The following ZBTB20 variants were observed in gnomAD, a reference collection of about 807,000 sequenced individuals.
The protein encoded by ZBTB20 is zinc finger and BTB domain containing 20, also known as zinc finger and BTB domain-containing protein 20.
In ZBTB20, 9 loss-of-function variants were observed where a neutral mutation model predicts 56.9. The ratio of observed to expected loss-of-function variants is 0.16; its 90% CI spans 0.10 to 0.28. ZBTB20 has a LOEUF of 0.28. Ranked by LOEUF, ZBTB20 falls within the 10% of genes least tolerant of loss-of-function variation. ZBTB20 has a pLI of 1.00. For missense variants in ZBTB20, 655 were observed against 1,003.0 expected (o/e 0.65, Z 4.69); for synonymous variants, 417 against 420.7 (o/e 0.99, Z 0.11).
chr3:114,636,532 A>T (rs995595409), intron 6 of ZBTB20, among the ~76,000 whole-genome samples: 1 of 152,094 alleles, frequency 6.6e-6, no homozygotes, highest in Non-Finnish European at 1.5e-5. Flanking sequence ...CAATAACATG[A>T]AGTGTGTATA....
At chr3:114,928,399 A>G (rs1270392654) in intron 3 of ZBTB20, among the ~76,000 whole-genome samples, 3 of 150,560 alleles carry the variant, frequency 2.0e-5, no homozygotes, top group African/African-American at 7.3e-5. Flanking sequence ...TTCTTCAATG[A>G]TGGAGAACCT....
intron 1 of ZBTB20, among the ~76,000 whole-genome samples, chr3:115,086,388 G>C (rs1422608588): frequency 6.6e-6 from 1 of 151,720 alleles, no homozygotes; most frequent in Non-Finnish European, 1.5e-5. Context: ...TTTATTTTGT[G>C]TCAATTGGTG....
At chr3:114,629,717 T>C (rs1031192684) in intron 6 of ZBTB20, among the ~76,000 whole-genome samples, 1 of 152,140 alleles carries the variant, frequency 6.6e-6, no homozygotes. Flanking sequence ...TATTTTAATA[T>C]TCTTTGGGTA....
At chr3:114,656,583 C>G (rs1330266162) in intron 6 of ZBTB20, among the ~76,000 whole-genome samples, 1 of 152,092 alleles carries the variant, frequency 6.6e-6, no homozygotes, top group Non-Finnish European at 1.5e-5. Context: ...GACCTGTATT[C>G]AAGTTTACTG....
chr3:114,827,074 A>G (rs1286006565), intron 4 of ZBTB20, among the ~76,000 whole-genome samples: 1 of 151,746 alleles, frequency 6.6e-6, no homozygotes, highest in Non-Finnish European at 1.5e-5. Context: ...AGAGCAAATT[A>G]TCTATAAAGT....
At chr3:115,108,627 G>A (rs941295529) in intron 1 of ZBTB20, among the ~76,000 whole-genome samples, 6 of 152,096 alleles carry the variant, frequency 3.9e-5, no homozygotes, top group Admixed American at 2.6e-4. Flanking sequence ...GTAGTAGAAC[G>A]AAGAATCAAA....
chr3:114,510,750 T>C (rs1477140991), intron 6 of ZBTB20, among the ~76,000 whole-genome samples: 1 of 152,118 alleles, frequency 6.6e-6, no homozygotes, highest in East Asian at 1.9e-4. Flanking sequence ...GCAGTGTCCA[T>C]TTGAAGTAGC....
chr3:114,474,240 T>G (rs146097772), intron 7 of ZBTB20, among the ~76,000 whole-genome samples: 66 of 152,344 alleles, frequency 4.3e-4, no homozygotes, highest in African/African-American at 1.3e-3. Flanking sequence ...CCCACAGGAA[T>G]ATGTTACAAG....
intron 4 of ZBTB20, among the ~76,000 whole-genome samples, chr3:114,894,352 C>T (rs1024285282): frequency 1.3e-5 from 2 of 152,054 alleles, no homozygotes; most frequent in African/African-American, 4.8e-5. Flanking sequence ...TATACACTCA[C>T]ATAAATGTGC....
At chr3:114,532,562 T>C (rs1010874860) in intron 6 of ZBTB20, among the ~76,000 whole-genome samples, 1 of 152,110 alleles carries the variant, frequency 6.6e-6, no homozygotes, top group African/African-American at 2.4e-5. Context: ...TGGGCGCAGT[T>C]TCAGCAGACT....
intron 2 of ZBTB20, among the ~76,000 whole-genome samples, chr3:114,996,773 G>A (rs1222221763): frequency 6.6e-6 from 1 of 151,656 alleles, no homozygotes; most frequent in African/African-American, 2.4e-5. Flanking sequence ...GGTATTTCTA[G>A]TTCTAGATAC....
At chr3:114,472,491 C>T (rs575638430) in intron 7 of ZBTB20, among the ~76,000 whole-genome samples, 1 of 152,274 alleles carries the variant, frequency 6.6e-6, no homozygotes, top group South Asian at 2.1e-4. Context: ...GGGCACATCA[C>T]CTGAGGTCAG....
intron 10 of ZBTB20, among the ~76,000 whole-genome samples, chr3:114,364,535 C>A (rs1330448857): frequency 2.6e-5 from 4 of 152,148 alleles, no homozygotes; most frequent in Admixed American, 1.3e-4. Flanking sequence ...CTCTGCCGTT[C>A]AGATATGTTC....
intron 2 of ZBTB20, among the ~76,000 whole-genome samples, chr3:114,978,291 A>G: frequency 6.7e-6 from 1 of 148,466 alleles, no homozygotes; most frequent in East Asian, 1.9e-4. Flanking sequence ...AAATAGTAAT[A>G]CTTATTACTA....
chr3:114,743,831 C>A (rs1057319295), intron 5 of ZBTB20: 1 of 152,096 alleles, frequency 6.6e-6, no homozygotes, highest in African/African-American at 2.4e-5. Flanking sequence ...TTACTATCTA[C>A]TGAAATCAGA....
At chr3:114,962,237 T>C (rs1327515099) in intron 3 of ZBTB20, among the ~76,000 whole-genome samples, 1 of 152,134 alleles carries the variant, frequency 6.6e-6, no homozygotes, top group African/African-American at 2.4e-5. Flanking sequence ...CACTAAAATC[T>C]AGGTAAGAGC....
rs188362069 is a variant in ZBTB20 at position 114,741,269 on chromosome 3, G to C, written c.-342-47694C>G. The stretch of plus-strand genomic sequence containing the variant: ...GCCCCAAAGCTGGGCAAGTGACCTA[G>C]TACTACAAAAATTCCCAAATAGGCA... On this transcript the variant is annotated intron_variant, in intron 5 of 11. Transcript: ENST00000675478. Among the ~76,000 whole-genome samples, 11 of 152,230 alleles carry C rather than the reference G, an allele frequency of 7.2e-5. No homozygotes were observed. In the East Asian group the frequency reaches 1.9e-3, roughly 27 times the overall value.
At chr3:114,831,419 C>A (rs1034511889) in intron 4 of ZBTB20, among the ~76,000 whole-genome samples, 1 of 151,838 alleles carries the variant, frequency 6.6e-6, no homozygotes, top group African/African-American at 2.4e-5. Context: ...ATGAGGACAA[C>A]AGTACCTAGT....
chr3:114,363,841 C>A lies in ZBTB20; in HGVS notation c.200-11963G>T, dbSNP rs537677734. ...AGTCTGACACACTGCTCAGCAATCA[C>A]TTACTGCTCCCTAAAGTGGTATTTT... On this transcript the variant is annotated intron_variant, in intron 10 of 11. Transcript: ENST00000675478. Among the ~76,000 whole-genome samples, 3 of 152,358 alleles carry A rather than the reference C, an allele frequency of 2.0e-5. No individual in the cohort carries two copies. In the South Asian group the frequency reaches 6.2e-4, roughly 32 times the overall value.
Sources: gnomAD v4.1 joint callset for allele counts (sites outside exome capture counted in the v4.1 genomes callset) on GRCh38, gnomAD v4.1.1 for gene constraint, MANE v1.5 for transcripts, NCBI Gene and HGNC (gene_info 2026-07-23, HGNC 2026-07-21) for gene names.